GALNT13: variants seen among roughly 807,000 people sequenced by gnomAD.
GALNT13 encodes the protein polypeptide N-acetylgalactosaminyltransferase 13.
Under a neutral mutation model 64.2 loss-of-function variants are expected in GALNT13, and 28 were observed. The ratio of observed to expected loss-of-function variants is 0.44; its 90% CI spans 0.32 to 0.60. The LOEUF (loss-of-function observed/expected upper bound fraction) is 0.60. Ranked by LOEUF, GALNT13 falls within the 20% of genes least tolerant of loss-of-function variation. The probability of loss-of-function intolerance (pLI) is 0.05; values close to 1 mark genes in which losing one functional copy is unlikely to be tolerated. For missense variants in GALNT13, 577 were observed against 669.8 expected (o/e 0.86, Z 1.53); for synonymous variants, 214 against 224.6 (o/e 0.95, Z 0.42).
At chr2:153,142,653 G>A in the GALNT13 span, among the ~76,000 whole-genome samples, 3 of 151,912 alleles carry the variant, frequency 2.0e-5, no homozygotes, top group South Asian at 4.1e-4. Context: ...ATGAAATGGA[G>A]GTTTGTAGGC....
intron 12 of GALNT13, among the ~76,000 whole-genome samples, chr2:154,449,972 T>A (rs1394446149): frequency 6.6e-6 from 1 of 152,068 alleles, no homozygotes; most frequent in Non-Finnish European, 1.5e-5. Flanking sequence ...AATGGGAACA[T>A]CTCTAGCAGT....
chr2:154,291,553 C>G (rs1304038757), intron 8 of GALNT13, among the ~76,000 whole-genome samples: 1 of 152,218 alleles, frequency 6.6e-6, no homozygotes, highest in Non-Finnish European at 1.5e-5. Context: ...GAGAGCTTGT[C>G]CCCCAGTCAA....
the GALNT13 span, among the ~76,000 whole-genome samples, chr2:153,093,348 C>T: frequency 6.6e-6 from 1 of 150,504 alleles, no homozygotes; most frequent in African/African-American, 2.4e-5. Context: ...AAGCAATTCT[C>T]CTACCTCAGC....
At chr2:153,712,001 G>T in the GALNT13 span, among the ~76,000 whole-genome samples, 1 of 152,248 alleles carries the variant, frequency 6.6e-6, no homozygotes, top group Admixed American at 6.5e-5. Flanking sequence ...CCAAATGTTA[G>T]TTCTTTTGAC....
At chr2:153,987,678 A>G (rs538275891) in intron 3 of GALNT13, among the ~76,000 whole-genome samples, 1 of 151,930 alleles carries the variant, frequency 6.6e-6, no homozygotes, top group South Asian at 2.1e-4. Flanking sequence ...AATTGACCTC[A>G]AAGACTTGAC....
At chr2:153,797,903 T>C in the GALNT13 span, among the ~76,000 whole-genome samples, 2 of 152,142 alleles carry the variant, frequency 1.3e-5, no homozygotes. Flanking sequence ...CTTCTATATT[T>C]TACTGTGTTT....
the GALNT13 span, among the ~76,000 whole-genome samples, chr2:153,205,944 A>T: frequency 6.6e-6 from 1 of 151,948 alleles, no homozygotes; most frequent in African/African-American, 2.4e-5. Context: ...TATCTAATCA[A>T]ACTTAGTGTA....
chr2:154,437,651 T>C (rs1701049406), intron 11 of GALNT13: 3 of 549,890 alleles, frequency 5.5e-6, no homozygotes, highest in Non-Finnish European at 9.4e-6. Context: ...GGTCGGGAGA[T>C]TGAGACCATC....
chr2:153,528,661 T>A, the GALNT13 span, among the ~76,000 whole-genome samples: 1 of 151,998 alleles, frequency 6.6e-6, no homozygotes, highest in Non-Finnish European at 1.5e-5. Context: ...GGATAGACCA[T>A]ATGTTAGGTC....
chr2:153,121,519 T>A, the GALNT13 span, among the ~76,000 whole-genome samples: 1 of 152,128 alleles, frequency 6.6e-6, no homozygotes, highest in Admixed American at 6.6e-5. Flanking sequence ...CAATGTAATA[T>A]AACCACATTT....
chr2:153,826,922 G>A, the GALNT13 span, among the ~76,000 whole-genome samples: 8 of 152,230 alleles, frequency 5.3e-5, no homozygotes, highest in East Asian at 1.6e-3. Flanking sequence ...AGAGGTACCA[G>A]AGAGACAGAA....
chr2:153,570,075 G>A, the GALNT13 span, among the ~76,000 whole-genome samples: 1 of 152,118 alleles, frequency 6.6e-6, no homozygotes, highest in African/African-American at 2.4e-5. Context: ...GTGTGCAAGT[G>A]TTCCCTTTTC....
intron 9 of GALNT13, among the ~76,000 whole-genome samples, chr2:154,329,756 ACT>A (rs1328630488): frequency 2.0e-5 from 3 of 151,050 alleles, no homozygotes; most frequent in Non-Finnish European, 4.4e-5. Context: ...GTGAGTTCTC[ACT>A]CTGTTAGTTC....
At chr2:153,418,604 AT>A in the GALNT13 span, among the ~76,000 whole-genome samples, 1 of 152,330 alleles carries the variant, frequency 6.6e-6, no homozygotes, top group East Asian at 1.9e-4. Flanking sequence ...AGAAATGAAC[AT>A]TGTTTTTAGC....
At chr2:154,075,621 T>A (rs1368367701) in intron 3 of GALNT13, among the ~76,000 whole-genome samples, 2 of 151,812 alleles carry the variant, frequency 1.3e-5, no homozygotes. Flanking sequence ...TAATTTTGAA[T>A]ATATCCGTAA....
the GALNT13 span, among the ~76,000 whole-genome samples, chr2:153,568,821 ATTAG>A: frequency 6.6e-6 from 1 of 152,188 alleles, no homozygotes; most frequent in Admixed American, 6.5e-5. Context: ...GGTATTGTGG[ATTAG>A]TTAATGGATT....
chr2:153,955,870 T>C (rs1490707798), intron 3 of GALNT13, among the ~76,000 whole-genome samples: 1 of 152,160 alleles, frequency 6.6e-6, no homozygotes, highest in Non-Finnish European at 1.5e-5. Context: ...CTTGAAGTCC[T>C]CTGGCTCTGG....
At chr2:153,767,809 CCT>C in the GALNT13 span, among the ~76,000 whole-genome samples, 1 of 150,638 alleles carries the variant, frequency 6.6e-6, no homozygotes, top group East Asian at 1.9e-4. Context: ...TTTTTTTCCC[CCT>C]GTTTAGTTGT....
the GALNT13 span, among the ~76,000 whole-genome samples, chr2:153,795,719 G>C: frequency 2.0e-5 from 3 of 152,072 alleles, no homozygotes; most frequent in Non-Finnish European, 4.4e-5. Flanking sequence ...TGTTGAAAAA[G>C]ATTATTTCAC....
Sources: gnomAD v4.1 joint callset for allele counts (sites outside exome capture counted in the v4.1 genomes callset) on GRCh38, gnomAD v4.1.1 for gene constraint, MANE v1.5 for transcripts, NCBI Gene and HGNC (gene_info 2026-07-23, HGNC 2026-07-21) for gene names.